MYO3B: variants seen among roughly 807,000 people sequenced by gnomAD.
MYO3B encodes the protein myosin IIIB.
In MYO3B, 156 loss-of-function variants were observed where a neutral mutation model predicts 174.6. The observed-to-expected ratio is 0.89, with a 90% CI of 0.78 to 1.02. MYO3B has a LOEUF of 1.02. MYO3B is among the 50% of genes least tolerant of loss of function. The pLI, the probability that MYO3B is intolerant of heterozygous loss-of-function variation, is 0.00. For synonymous variants in MYO3B, 563 were observed against 569.1 expected (o/e 0.99, Z 0.15); for missense variants, 1,632 against 1,639.4 (o/e 1.00, Z 0.08).
chr2:170,506,169 A>G (rs974645378), intron 28 of MYO3B, among the ~76,000 whole-genome samples: 2 of 152,248 alleles, frequency 1.3e-5, no homozygotes, highest in Admixed American at 6.5e-5. Flanking sequence ...CACTGGGCAC[A>G]TCATGTGATG....
At chr2:170,413,819 C>T (rs540013301) in intron 22 of MYO3B, among the ~76,000 whole-genome samples, 1 of 152,130 alleles carries the variant, frequency 6.6e-6, no homozygotes, top group East Asian at 1.9e-4. Flanking sequence ...GCGGGTGGAT[C>T]ACGAGGTCAG....
chr2:170,534,155 A>G (rs1689536332), intron 30 of MYO3B, among the ~76,000 whole-genome samples: 1 of 152,230 alleles, frequency 6.6e-6, no homozygotes, highest in Non-Finnish European at 1.5e-5. Flanking sequence ...TGTGTTGAGC[A>G]AGTCTGTTTT....
rs563847587 is a variant in MYO3B at position 170,596,391 on chromosome 2, C to T, written c.3733+52403C>T. Reference sequence around the variant, plus strand: ...TACCTGGTAGGTGGTCCCTGTTTGACTGTTACCATTTCCAGCCCCTCTGCT... The same window carrying T: ...TACCTGGTAGGTGGTCCCTGTTTGATTGTTACCATTTCCAGCCCCTCTGCT... On this transcript the variant is annotated intron_variant, in intron 32 of 34. Transcript: ENST00000408978. Among the ~76,000 whole-genome samples, 3 of 152,338 alleles carry T rather than the reference C, an allele frequency of 2.0e-5. No individual in the cohort carries two copies. The East Asian group carries it at 5.8e-4, about 29-fold the overall frequency.
intron 7 of MYO3B, among the ~76,000 whole-genome samples, chr2:170,289,613 G>C (rs1224026097): frequency 1.3e-5 from 2 of 151,444 alleles, no homozygotes; most frequent in Non-Finnish European, 2.9e-5. Context: ...TCTTAGTCTA[G>C]CTAAAGGTTT....
chr2:170,509,095 G>A (rs547242992), intron 28 of MYO3B, among the ~76,000 whole-genome samples: 1 of 152,208 alleles, frequency 6.6e-6, no homozygotes, highest in African/African-American at 2.4e-5. Flanking sequence ...AGTGGCTCAA[G>A]CATATAATCC....
chr2:170,474,979 C>A (rs754901639), intron 25 of MYO3B, among the ~76,000 whole-genome samples: 1 of 152,030 alleles, frequency 6.6e-6, no homozygotes, highest in Non-Finnish European at 1.5e-5. Context: ...TAGTTACTAT[C>A]GTTTTCACTT....
chr2:170,395,204 T>C (rs10184692), intron 16 of MYO3B, among the ~76,000 whole-genome samples: 6,085 of 152,156 alleles, frequency 0.04, 380 homozygotes, highest in African/African-American at 0.14. Context: ...TGATGACTCC[T>C]TGTGGAGGGC....
chr2:170,192,381 G>A (rs1203491417), intron 1 of MYO3B, among the ~76,000 whole-genome samples: 3 of 150,570 alleles, frequency 2.0e-5, no homozygotes, highest in Non-Finnish European at 3.0e-5. Flanking sequence ...CTTATTTAGC[G>A]ATTTTCAAAG....
chr2:170,328,404 T>C (rs1234348082), intron 7 of MYO3B, among the ~76,000 whole-genome samples: 1 of 152,100 alleles, frequency 6.6e-6, no homozygotes, highest in Admixed American at 6.6e-5. Flanking sequence ...CAGAGCATTA[T>C]TCATAATCCT....
chr2:170,382,168 T>C, intron 10 of MYO3B, 56 bp downstream of exon 10: 1 of 1,410,650 alleles, frequency 7.1e-7, no homozygotes, highest in Non-Finnish European at 1.0e-6. Context: ...ATGTGAATGG[T>C]CTGAACTTTC....
chr2:170,373,210 G>A (rs982401009), intron 9 of MYO3B, among the ~76,000 whole-genome samples: 1 of 152,228 alleles, frequency 6.6e-6, no homozygotes, highest in Non-Finnish European at 1.5e-5. Context: ...TAGGGAAACA[G>A]AGAAGTGTGT....
At chr2:170,649,627 G>A (rs947471049) in intron 32 of MYO3B, among the ~76,000 whole-genome samples, 2 of 150,106 alleles carry the variant, frequency 1.3e-5, no homozygotes, top group African/African-American at 2.4e-5. Flanking sequence ...AGGAGTTCGA[G>A]ACCAGCCTGG....
At chr2:170,530,316 A>C (rs1689277003) in intron 30 of MYO3B, among the ~76,000 whole-genome samples, 1 of 152,246 alleles carries the variant, frequency 6.6e-6, no homozygotes, top group South Asian at 2.1e-4. Context: ...AGATCAACAC[A>C]GTCTGGAGAC....
chr2:170,218,503 G>T (rs575397469), intron 6 of MYO3B, among the ~76,000 whole-genome samples: 1 of 152,148 alleles, frequency 6.6e-6, no homozygotes, highest in Non-Finnish European at 1.5e-5. Flanking sequence ...ACTGTTTTGT[G>T]ACTCTCCATT....
chr2:170,483,982 C>G (rs1685866417), intron 25 of MYO3B, among the ~76,000 whole-genome samples: 1 of 152,152 alleles, frequency 6.6e-6, no homozygotes, highest in Non-Finnish European at 1.5e-5. Context: ...ACAGCATGCT[C>G]TAGTTACTTA....
intron 32 of MYO3B, among the ~76,000 whole-genome samples, chr2:170,636,902 C>T (rs1697530947): frequency 6.6e-6 from 1 of 151,800 alleles, no homozygotes; most frequent in African/African-American, 2.4e-5. Flanking sequence ...TTACATTGCA[C>T]TGGAACTATC....
intron 8 of MYO3B, among the ~76,000 whole-genome samples, chr2:170,353,139 A>T (rs1314757421): frequency 6.6e-6 from 1 of 152,270 alleles, no homozygotes; most frequent in East Asian, 1.9e-4. Flanking sequence ...ACAAGTGCCA[A>T]AACTTGGAAA....
chr2:170,236,404 A>G (rs1264284355), intron 7 of MYO3B, among the ~76,000 whole-genome samples: 1 of 152,160 alleles, frequency 6.6e-6, no homozygotes, highest in African/African-American at 2.4e-5. Flanking sequence ...CATTTTTTGT[A>G]CTTTGCACGA....
intron 32 of MYO3B, among the ~76,000 whole-genome samples, chr2:170,581,113 G>A (rs1693119604): frequency 6.6e-6 from 1 of 152,074 alleles, no homozygotes; most frequent in South Asian, 2.1e-4. Flanking sequence ...CTCCAAACAT[G>A]TAGTACAAAT....
Sources: gnomAD v4.1 joint callset for allele counts (sites outside exome capture counted in the v4.1 genomes callset) on GRCh38, gnomAD v4.1.1 for gene constraint, MANE v1.5 for transcripts, NCBI Gene and HGNC (gene_info 2026-07-23, HGNC 2026-07-21) for gene names.